Variants in CLIC5 observed in about 807,000 individuals in gnomAD.
CLIC5 encodes CLIC family member 5.
Under a neutral mutation model 24.7 loss-of-function variants are expected in CLIC5, and 20 were observed. The observed-to-expected ratio is 0.81, with a 90% CI of 0.57 to 1.18. The LOEUF (loss-of-function observed/expected upper bound fraction) is 1.18. Ranked by LOEUF, CLIC5 falls within the 50% of genes most tolerant of loss-of-function variation. CLIC5 has a pLI of 0.00. For synonymous variants in CLIC5, 159 were observed against 135.6 expected, an observed-to-expected ratio of 1.17 and a Z score of -1.20; for missense variants, 341 against 326.1, an observed-to-expected ratio of 1.05 and a Z score of -0.35.
chr6:45,955,099 G>A, intron 2 of CLIC5, 36 bp downstream of exon 2: 1 of 1,508,446 alleles, frequency 6.6e-7, no homozygotes, highest in Non-Finnish European at 9.2e-7. Flanking sequence ...TGTTCATGCA[G>A]CTAAACATAC....
chr6:45,946,970 C>T (rs1323985215), intron 3 of CLIC5, among the ~76,000 whole-genome samples: 2 of 152,176 alleles, frequency 1.3e-5, no homozygotes, highest in Non-Finnish European at 2.9e-5. Flanking sequence ...CTCCTATACA[C>T]AACTGCAGTC....
the CLIC5 span, among the ~76,000 whole-genome samples, chr6:46,098,716 A>G: frequency 5.3e-5 from 8 of 152,168 alleles, no homozygotes; most frequent in Admixed American, 2.6e-4. Flanking sequence ...CAACGGAAGC[A>G]TAACTATTGC....
chr6:46,080,305 A>T, exon 1 of CLIC5: 1 of 1,404,342 alleles, frequency 7.1e-7, no homozygotes, highest in Non-Finnish European at 9.7e-7. Flanking sequence ...GAATGAAGGG[A>T]CAGAGGATGC....
chr6:46,085,388 T>C, the CLIC5 span, among the ~76,000 whole-genome samples: 7 of 152,214 alleles, frequency 4.6e-5, no homozygotes, highest in Non-Finnish European at 8.8e-5. Context: ...CTCCGTTTTT[T>C]CCCCATCTTT....
the CLIC5 span, among the ~76,000 whole-genome samples, chr6:46,114,011 A>G: frequency 5.3e-5 from 8 of 152,234 alleles, no homozygotes; most frequent in Non-Finnish European, 2.9e-5. Context: ...GCGAAGAAAC[A>G]GTTCAAAGAT....
intron 5 of CLIC5, among the ~76,000 whole-genome samples, chr6:45,909,683 C>T (rs1762760942): frequency 6.6e-6 from 1 of 152,186 alleles, no homozygotes. Flanking sequence ...TGTGTTCTGA[C>T]CTTTTTCTCT....
intron 1 of CLIC5, among the ~76,000 whole-genome samples, chr6:46,012,218 A>C (rs945825913): frequency 2.0e-5 from 3 of 152,220 alleles, no homozygotes; most frequent in African/African-American, 7.2e-5. Flanking sequence ...CTTATTTATA[A>C]CCATGCTCTT....
intron 4 of CLIC5, among the ~76,000 whole-genome samples, chr6:45,939,725 C>T (rs116765477): frequency 0.021 from 3,208 of 152,082 alleles, 124 homozygotes; most frequent in African/African-American, 0.074. Context: ...ACTGCAGCTT[C>T]GACCTCCCAG....
the CLIC5 span, among the ~76,000 whole-genome samples, chr6:46,099,011 G>C: frequency 6.6e-6 from 1 of 152,204 alleles, no homozygotes; most frequent in Admixed American, 6.5e-5. Flanking sequence ...AGCACAGAAG[G>C]CACTACTTCA....
chr6:46,107,647 G>A, the CLIC5 span, among the ~76,000 whole-genome samples: 1 of 152,210 alleles, frequency 6.6e-6, no homozygotes, highest in Non-Finnish European at 1.5e-5. Context: ...AAGGAGGCAG[G>A]AAAATGTGGG....
the CLIC5 span, among the ~76,000 whole-genome samples, chr6:46,108,032 CAAAAAAAAAAA>C: frequency 1.8e-4 from 6 of 33,308 alleles, no homozygotes; most frequent in Non-Finnish European, 2.7e-4. Flanking sequence ...AAAACTCCAT[CAAAAAAAAAAA>C]AAAAAAAAAA....
chr6:45,959,108 T>C (rs1561965087), intron 1 of CLIC5, among the ~76,000 whole-genome samples: 1 of 152,186 alleles, frequency 6.6e-6, no homozygotes, highest in Non-Finnish European at 1.5e-5. Context: ...TTACCTCCTC[T>C]TGGCCTCAAC....
At chr6:45,885,375 T>A (rs1378498135) in intron 6 of CLIC5, among the ~76,000 whole-genome samples, 1 of 152,196 alleles carries the variant, frequency 6.6e-6, no homozygotes, top group Non-Finnish European at 1.5e-5. Context: ...AGAAATAAAT[T>A]TCTATTGTTT....
chr6:45,978,343 T>C (rs147535543), intron 1 of CLIC5, among the ~76,000 whole-genome samples: 198 of 152,322 alleles, frequency 1.3e-3, no homozygotes, highest in Non-Finnish European at 2.2e-3. Flanking sequence ...TGACTGGGGA[T>C]GGCTAACAAT....
At chr6:46,013,745 C>T (rs1341053375) in intron 1 of CLIC5, among the ~76,000 whole-genome samples, 9 of 152,174 alleles carry the variant, frequency 5.9e-5, no homozygotes, top group Admixed American at 2.6e-4. Flanking sequence ...GCAAAGGGCT[C>T]CTTTGGTTCT....
At chr6:46,084,601 C>A (rs997666372), upstream of CLIC5, among the ~76,000 whole-genome samples, 3 of 152,144 alleles carry the variant, frequency 2.0e-5, no homozygotes, top group African/African-American at 7.2e-5. Flanking sequence ...GAATATTGGC[C>A]CCCACTCTCT....
At chr6:46,100,490 G>T in the CLIC5 span, among the ~76,000 whole-genome samples, 1 of 152,156 alleles carries the variant, frequency 6.6e-6, no homozygotes, top group Non-Finnish European at 1.5e-5. Context: ...GGCACAAGCT[G>T]CAGGAGCTAC....
chr6:45,912,158 G>A, intron 5 of CLIC5: 1 of 986,494 alleles, frequency 1.0e-6, no homozygotes, highest in Non-Finnish European at 1.2e-6. Flanking sequence ...GGCATCCGAA[G>A]CCAAACTGGA....
the CLIC5 span, among the ~76,000 whole-genome samples, chr6:46,105,474 T>G: frequency 6.6e-6 from 1 of 152,178 alleles, no homozygotes; most frequent in Non-Finnish European, 1.5e-5. Flanking sequence ...TTTAAATATG[T>G]GCTTGGTTCC....
Sources: gnomAD v4.1 joint callset for allele counts (sites outside exome capture counted in the v4.1 genomes callset) on GRCh38, gnomAD v4.1.1 for gene constraint, MANE v1.5 for transcripts, NCBI Gene and HGNC (gene_info 2026-07-23, HGNC 2026-07-21) for gene names.